The following LIPJ variants were observed in gnomAD, a reference collection of about 807,000 sequenced individuals.
LIPJ encodes the protein lipase family member J, also known as lipase member J.
A neutral mutation model predicts 39.8 loss-of-function variants in LIPJ; 33 were observed. The observed-to-expected ratio is 0.83, with a 90% CI of 0.63 to 1.11. The LOEUF (loss-of-function observed/expected upper bound fraction) is 1.11, where lower values mean the gene tolerates loss of function less well. LIPJ is among the 50% of genes least tolerant of loss of function. The pLI, the probability that LIPJ is intolerant of heterozygous loss-of-function variation, is 0.00. For missense variants in LIPJ, 422 were observed against 427.9 expected (o/e 0.99, Z 0.12); for synonymous variants, 128 against 139.2 (o/e 0.92, Z 0.57).
chr10:88,613,366 C>T, the LIPJ span, among the ~76,000 whole-genome samples: 326 of 151,938 alleles, frequency 2.1e-3, 1 homozygote, highest in African/African-American at 7.4e-3. Context: ...TGTCAGATCA[C>T]AGGTTTACCC....
chr10:88,615,256 G>A, the LIPJ span, among the ~76,000 whole-genome samples: 1 of 152,104 alleles, frequency 6.6e-6, no homozygotes, highest in South Asian at 2.1e-4. Flanking sequence ...AGCAAATTTA[G>A]AAATGAGCAA....
At chr10:88,583,376 C>A (rs368027356), upstream of LIPJ, 12 of 1,390,638 alleles carry the variant, frequency 8.6e-6, 1 homozygote, top group Non-Finnish European at 1.1e-5. Flanking sequence ...AGCTGAGAGG[C>A]CCCTCCGTCC....
downstream of LIPJ, among the ~76,000 whole-genome samples, chr10:88,610,865 A>G (rs1851741905): frequency 6.6e-6 from 1 of 152,246 alleles, no homozygotes; most frequent in South Asian, 2.1e-4. Context: ...ATAAAATTTA[A>G]TTTGAAATTA....
chr10:88,606,919 G>A (rs565093269), exon 11 of LIPJ: 23 of 1,471,118 alleles, frequency 1.6e-5, no homozygotes, highest in Admixed American at 1.4e-4. Flanking sequence ...GAACCATGGC[G>A]CTGTGTGTTT....
the LIPJ span, among the ~76,000 whole-genome samples, chr10:88,615,203 A>G: frequency 6.6e-6 from 1 of 152,228 alleles, no homozygotes; most frequent in Non-Finnish European, 1.5e-5. Flanking sequence ...AGGGATTGTA[A>G]TATACAAAGA....
downstream of LIPJ, among the ~76,000 whole-genome samples, chr10:88,611,450 T>C (rs112070270): frequency 9.3e-3 from 1,418 of 152,316 alleles, 22 homozygotes; most frequent in African/African-American, 0.031. Context: ...TTCAGAAAGT[T>C]GATTATTAAG....
Position 88,594,786 on chromosome 10 carries a change from G to C in LIPJ, c.439+10G>C, listed in dbSNP as rs556734919. On this transcript the variant is annotated intron_variant, in intron 6 of 10. Transcript: ENST00000371939. ...CAGGGTACTACTATTGGTATGCCAA[G>C]AAAGATTATTGCTAATATCCCTTAA... is the stretch of plus-strand genomic sequence containing the variant. The C allele has an allele frequency of 4.0e-6, 5 of 1,235,618 alleles. No homozygotes were observed. In the African/African-American group the frequency reaches 7.8e-5, roughly 19 times the overall value. 76.5% of individuals were successfully genotyped at this position (1,235,618 alleles called of 1,614,324 possible).
chr10:88,610,870 A>C (rs1425751369), downstream of LIPJ, among the ~76,000 whole-genome samples: 1 of 152,270 alleles, frequency 6.6e-6, no homozygotes, highest in Non-Finnish European at 1.5e-5. Flanking sequence ...ATTTAATTTG[A>C]AATTAGTCAT....
intron 6 of LIPJ, 81 bp from the exon 7 acceptor site, chr10:88,596,195 TACTC>T (rs1334450404): frequency 2.2e-6 from 2 of 909,284 alleles, no homozygotes; most frequent in Non-Finnish European, 3.0e-6. Context: ...TTTTTGAACT[TACTC>T]TTATTCTCCT....
At chr10:88,602,709 T>A in intron 9 of LIPJ, 62 bp downstream of exon 9, 1 of 1,000,464 alleles carries the variant, frequency 1.0e-6, no homozygotes, top group Non-Finnish European at 1.5e-6. Context: ...TTTACCTCAT[T>A]ATTCTAGGGA....
At chr10:88,596,926 A>C in exon 8 of LIPJ, 1 of 1,516,644 alleles carries the variant, frequency 6.6e-7, no homozygotes, top group Non-Finnish European at 9.0e-7. Flanking sequence ...GACCCAAAAA[A>C]CTTAAATATG....
chr10:88,607,105 T>A, downstream of LIPJ: 1 of 421,994 alleles, frequency 2.4e-6, no homozygotes, highest in Non-Finnish European at 3.9e-6. Flanking sequence ...AGATTATAAA[T>A]CAATCTAAGA....
intron 9 of LIPJ, among the ~76,000 whole-genome samples, chr10:88,604,731 G>C (rs143455704): frequency 0.011 from 1,601 of 152,246 alleles, 30 homozygotes; most frequent in African/African-American, 0.037. Context: ...ATAAGTTTTA[G>C]ATATTTAATT....
At chr10:88,619,277 G>A in the LIPJ span, among the ~76,000 whole-genome samples, 156 of 149,538 alleles carry the variant, frequency 1.0e-3, no homozygotes, top group Non-Finnish European at 1.8e-3. Flanking sequence ...AAGTCACTTC[G>A]CATCACCTAG....
At chr10:88,596,667 A>C (rs1851263852) in intron 7 of LIPJ, 123 bp from the exon 8 acceptor site, 19 of 1,029,654 alleles carry the variant, frequency 1.8e-5, no homozygotes, top group Non-Finnish European at 2.7e-5. Flanking sequence ...TTTTTCCTTT[A>C]TTTAAAATTT....
intron 10 of LIPJ, 32 bp downstream of exon 10, chr10:88,605,736 T>A: frequency 7.0e-7 from 1 of 1,423,332 alleles, no homozygotes; most frequent in Non-Finnish European, 9.9e-7. Context: ...CTCTCTACCT[T>A]ACTGACTTTT....
rs532649037 is a variant in LIPJ, at chr10:88,601,246, G to C, written c.724-1330G>C. Among the ~76,000 whole-genome samples, 4 of 152,108 alleles carry C rather than the reference G, an allele frequency of 2.6e-5. No individual in the cohort carries two copies. The East Asian group carries it at 7.7e-4, about 29-fold the overall frequency. ...TTAATGGCATTAATCCCATCCATGA[G>C]GGCAGAGCCTTTACAGCTCAATCAC... On this transcript the variant is annotated intron_variant, in intron 8 of 10. Transcript: ENST00000371939.
chr10:88,598,091 A>C (rs189061177), intron 8 of LIPJ, among the ~76,000 whole-genome samples: 26 of 152,110 alleles, frequency 1.7e-4, no homozygotes, highest in Non-Finnish European at 3.4e-4. Flanking sequence ...TTTAGCTGAA[A>C]TTGTAGGAAG....
chr10:88,588,858 T>C (rs1008543208), intron 2 of LIPJ, among the ~76,000 whole-genome samples: 1 of 151,954 alleles, frequency 6.6e-6, no homozygotes, highest in East Asian at 1.9e-4. Context: ...CTTTGTATGG[T>C]TGATGAGTCA....
Sources: allele counts gnomAD v4.1 joint callset (sites outside exome capture counted in the v4.1 genomes callset), GRCh38; gene constraint gnomAD v4.1.1; transcripts MANE v1.5; gene names NCBI Gene and HGNC (gene_info 2026-07-23, HGNC 2026-07-21).